ME1: variants seen among roughly 807,000 people sequenced by gnomAD.
ME1 encodes the protein NADP-dependent malic enzyme.
In ME1, 74 loss-of-function variants were observed where a neutral mutation model predicts 66.4. The observed-to-expected ratio is 1.11, with a 90% CI of 0.92 to 1.35. The LOEUF (loss-of-function observed/expected upper bound fraction) is 1.35, where lower values mean the gene tolerates loss of function less well. Ranked by LOEUF, ME1 falls within the 40% of genes most tolerant of loss-of-function variation. ME1 has a pLI of 0.00. For synonymous variants in ME1, 251 were observed against 235.6 expected (o/e 1.07, Z -0.60); for missense variants, 750 against 694.1 (o/e 1.08, Z -0.90).
intron 4 of ME1, among the ~76,000 whole-genome samples, chr6:83,349,403 A>C (rs1768755218): frequency 6.6e-6 from 1 of 152,166 alleles, no homozygotes; most frequent in African/African-American, 2.4e-5. Context: ...CTGCAGGATT[A>C]ATATCAGTAA....
intron 5 of ME1, among the ~76,000 whole-genome samples, chr6:83,331,969 A>C (rs764644044): frequency 3.9e-5 from 6 of 152,182 alleles, no homozygotes; most frequent in Admixed American, 1.3e-4. Context: ...ACAGACATAT[A>C]ATCAACATAA....
At chr6:83,363,660 A>G (rs917457011) in intron 3 of ME1, among the ~76,000 whole-genome samples, 1 of 152,246 alleles carries the variant, frequency 6.6e-6, no homozygotes, top group South Asian at 2.1e-4. Context: ...AATACCAACT[A>G]CAACCACATG....
At chr6:83,344,371 A>AT (rs1349345931) in intron 5 of ME1, among the ~76,000 whole-genome samples, 1 of 151,384 alleles carries the variant, frequency 6.6e-6, no homozygotes, top group Admixed American at 6.6e-5. Flanking sequence ...TCTCCACAGG[A>AT]TTTTTAAGAT....
intron 13 of ME1, 39 bp downstream of exon 13, chr6:83,216,459 G>T: frequency 7.4e-7 from 1 of 1,356,636 alleles, no homozygotes. Flanking sequence ...GCAAGAAAAG[G>T]AAGGAAAAAT....
At chr6:83,367,797 G>T (rs1583403908) in intron 3 of ME1, among the ~76,000 whole-genome samples, 1 of 152,218 alleles carries the variant, frequency 6.6e-6, no homozygotes. Flanking sequence ...TCAGCAATAT[G>T]GCCGCTTTAC....
At chr6:83,233,936 T>C (rs1460051768) in intron 9 of ME1, among the ~76,000 whole-genome samples, 1 of 152,054 alleles carries the variant, frequency 6.6e-6, no homozygotes, top group Non-Finnish European at 1.5e-5. Context: ...GTATCTTTTA[T>C]ATTAAATAGT....
At chr6:83,218,808 T>A (rs1463912878) in intron 12 of ME1, among the ~76,000 whole-genome samples, 1 of 152,214 alleles carries the variant, frequency 6.6e-6, no homozygotes, top group Non-Finnish European at 1.5e-5. Context: ...GAGCCAAACA[T>A]TTCCCCCCAA....
intron 1 of ME1, among the ~76,000 whole-genome samples, chr6:83,411,627 T>A (rs2128552464): frequency 6.6e-6 from 1 of 152,338 alleles, no homozygotes; most frequent in African/African-American, 2.4e-5. Context: ...AAAGAATTTT[T>A]ACCTTAGCAT....
intron 7 of ME1, among the ~76,000 whole-genome samples, chr6:83,248,025 CCTT>C (rs1790656355): frequency 6.6e-6 from 1 of 152,112 alleles, no homozygotes; most frequent in South Asian, 2.1e-4. Flanking sequence ...CCTCAGGGCT[CCTT>C]CTTGCACTGC....
chr6:83,360,911 T>A (rs1187102453), intron 3 of ME1, among the ~76,000 whole-genome samples: 1 of 152,230 alleles, frequency 6.6e-6, no homozygotes, highest in Non-Finnish European at 1.5e-5. Flanking sequence ...AGCCATTGAC[T>A]TGGCAAATGC....
At chr6:83,244,455 A>G (rs1364759843) in intron 7 of ME1, among the ~76,000 whole-genome samples, 1 of 152,138 alleles carries the variant, frequency 6.6e-6, no homozygotes, top group Non-Finnish European at 1.5e-5. Flanking sequence ...ACTATATACT[A>G]ATAGTACCTA....
intron 9 of ME1, among the ~76,000 whole-genome samples, chr6:83,234,467 T>C (rs181271988): frequency 7.2e-5 from 11 of 152,268 alleles, no homozygotes; most frequent in African/African-American, 2.6e-4. Flanking sequence ...ATCCTGTTAC[T>C]TCCCTTAAAT....
rs1164380028 is a variant in ME1, at chr6:83,211,978, A to G, written c.1665T>C (p.Asp555=). ...GCACCTCTTCAGGCCAAGAATAACA[A>G]TCAGGTAGAATCTGGTCATAATCAG... is the stretch of plus-strand genomic sequence containing the variant. ...YSTDYDQILP[D]CYSWPEEVQK... is the part of the protein sequence containing the mutation. Residue 555 remains aspartate, a synonymous_variant, in exon 14 of 14, where the codon GAT becomes GAC. Transcript: ENST00000369705. 1.2e-6 allele frequency: 2 copies of G among 1,609,664 alleles called. No individual in the cohort carries two copies. Among genetic ancestry groups the G allele is most frequent in the Admixed American group, 1.7e-5 (1 of 59,808 alleles).
chr6:83,243,796 TTTATATA>T (rs1008993196), intron 7 of ME1, among the ~76,000 whole-genome samples: 4 of 135,548 alleles, frequency 3.0e-5, no homozygotes, highest in African/African-American at 8.2e-5. Flanking sequence ...TTATCTTATA[TTTATATA>T]TTATATATTA....
intron 12 of ME1, 126 bp downstream of exon 12, chr6:83,223,634 A>C (rs1790132982): frequency 1.1e-5 from 9 of 840,016 alleles, no homozygotes; most frequent in Non-Finnish European, 1.6e-5. Flanking sequence ...TCCACTGGGA[A>C]GTTCTTCAGA....
chr6:83,238,427 C>G (rs1291082104), intron 8 of ME1, among the ~76,000 whole-genome samples: 1 of 152,152 alleles, frequency 6.6e-6, no homozygotes, highest in East Asian at 1.9e-4. Flanking sequence ...TTTGAATCAT[C>G]CAACCATGAA....
At chr6:83,307,660 AG>A (rs2128537852) in intron 6 of ME1, among the ~76,000 whole-genome samples, 1 of 152,224 alleles carries the variant, frequency 6.6e-6, no homozygotes, top group East Asian at 1.9e-4. Context: ...TGATTAGAAC[AG>A]GTAGAAAAAG....
intron 3 of ME1, among the ~76,000 whole-genome samples, chr6:83,366,294 G>T (rs1466874059): frequency 6.6e-6 from 1 of 152,178 alleles, no homozygotes; most frequent in Non-Finnish European, 1.5e-5. Flanking sequence ...TCAAGTGTTA[G>T]CTCCTCTTGG....
chr6:83,342,162 T>C (rs2128543240), intron 5 of ME1, among the ~76,000 whole-genome samples: 1 of 152,290 alleles, frequency 6.6e-6, no homozygotes, highest in South Asian at 2.1e-4. Flanking sequence ...GGGTGAACAC[T>C]AATTGGCCAA....
Sources: gnomAD v4.1 joint callset for allele counts (sites outside exome capture counted in the v4.1 genomes callset) on GRCh38, gnomAD v4.1.1 for gene constraint, MANE v1.5 for transcripts, NCBI Gene and HGNC (gene_info 2026-07-23, HGNC 2026-07-21) for gene names.